The following WNK3 variants were observed in gnomAD, a reference collection of about 807,000 sequenced individuals.
WNK3 encodes serine/threonine-protein kinase WNK3.
WNK3 carries 18 observed loss-of-function variants against 116.7 expected under a neutral mutation model. The ratio of observed to expected loss-of-function variants is 0.15; its 90% CI spans 0.11 to 0.23. The LOEUF (loss-of-function observed/expected upper bound fraction) is 0.23, where lower values mean the gene tolerates loss of function less well. WNK3 is among the 10% of genes least tolerant of loss of function. The pLI is 1.00. For missense variants in WNK3, 993 were observed against 1,323.8 expected (o/e 0.75, Z 3.88); for synonymous variants, 404 against 469.4 (o/e 0.86, Z 1.80).
At chrX:54,233,487 G>GGGAAGGAA (rs781783142) in intron 20 of WNK3, among the ~76,000 whole-genome samples, 3 of 102,607 alleles carry the variant, frequency 2.9e-5, no homozygotes, top group Non-Finnish European at 5.9e-5. Context: ...GAGGGAGGGA[G>GGGAAGGAA]GGAAGGAAGG....
At chrX:54,216,319 C>A (rs1052186086) in intron 22 of WNK3, among the ~76,000 whole-genome samples, 8 of 105,437 alleles carry the variant, frequency 7.6e-5, no homozygotes, top group Middle Eastern at 4.3e-3. Context: ...ATATATTTTG[C>A]AGCACCCTGG....
intron 10 of WNK3, among the ~76,000 whole-genome samples, chrX:54,279,398 T>C (rs1300775462): frequency 9.0e-6 from 1 of 111,382 alleles, no homozygotes; most frequent in Admixed American, 9.6e-5. Context: ...GACCCGTCTC[T>C]ACACAGATTA....
exon 2 of WNK3, chrX:54,333,524 C>G: frequency 8.3e-7 from 1 of 1,211,403 alleles, no homozygotes; most frequent in South Asian, 1.8e-5. Flanking sequence ...CTACAGTTTC[C>G]CCAGAAGCAG....
chrX:54,301,705 G>A (rs974524434), intron 6 of WNK3, 66 bp downstream of exon 6: 4 of 996,428 alleles, frequency 4.0e-6, no homozygotes, highest in South Asian at 2.1e-5. Flanking sequence ...GTCAGAAAAC[G>A]ACCCAATGCA....
chrX:54,198,805 AT>A, intron 23 of WNK3, 152 bp from the exon 24 acceptor site: 1 of 434,281 alleles, frequency 2.3e-6, no homozygotes, highest in Non-Finnish European at 3.6e-6. Flanking sequence ...TATTGTTACT[AT>A]TAGGGACTAC....
chrX:54,352,065 C>A (rs991366022), intron 1 of WNK3, among the ~76,000 whole-genome samples: 7 of 110,919 alleles, frequency 6.3e-5, no homozygotes, highest in Non-Finnish European at 1.3e-4. Flanking sequence ...AGACAAACAA[C>A]CAAATTTTTT....
intron 4 of WNK3, 72 bp from the exon 5 acceptor site, chrX:54,308,151 C>G: frequency 1.1e-6 from 1 of 930,240 alleles, no homozygotes; most frequent in Non-Finnish European, 1.5e-6. Flanking sequence ...ATCCCCTTTC[C>G]TATAAGGATT....
chrX:54,268,628 A>G (rs1231022562), intron 10 of WNK3, among the ~76,000 whole-genome samples: 1 of 111,911 alleles, frequency 8.9e-6, no homozygotes, highest in Non-Finnish European at 1.9e-5. Flanking sequence ...TGTGGCCAGA[A>G]AATAAGGAAG....
chrX:54,315,024 GATGGCTC>G (rs1208982268), intron 2 of WNK3, among the ~76,000 whole-genome samples: 4 of 110,404 alleles, frequency 3.6e-5, no homozygotes, highest in Non-Finnish European at 5.7e-5. Flanking sequence ...GGTCAGGCAC[GATGGCTC>G]ATGCCTGTAA....
At chrX:54,330,240 G>A (rs1440961496) in intron 2 of WNK3, among the ~76,000 whole-genome samples, 4 of 111,418 alleles carry the variant, frequency 3.6e-5, no homozygotes, top group Non-Finnish European at 7.5e-5. Flanking sequence ...AGGCGTGGTG[G>A]CACACACCTG....
chrX:54,292,786 T>C, intron 10 of WNK3, 102 bp downstream of exon 10: 2 of 836,230 alleles, frequency 2.4e-6, no homozygotes, highest in South Asian at 2.6e-5. Context: ...GACCTTTCTC[T>C]AAACTATAAT....
chrX:54,254,127 C>T (rs1557154995), intron 12 of WNK3, 52 bp from the exon 13 acceptor site: 3 of 815,960 alleles, frequency 3.7e-6, no homozygotes, highest in Non-Finnish European at 5.4e-6. Flanking sequence ...CTTCTTTTTG[C>T]AAATTGTGCA....
chrX:54,222,431 C>T (rs1273413797), intron 22 of WNK3, among the ~76,000 whole-genome samples: 1 of 105,799 alleles, frequency 9.5e-6, no homozygotes, highest in East Asian at 3.0e-4. Flanking sequence ...TGGTAGCATG[C>T]GCCTATGGTC....
exon 17 of WNK3, chrX:54,249,127 A>C: frequency 8.3e-7 from 1 of 1,211,713 alleles, no homozygotes; most frequent in Non-Finnish European, 1.1e-6. Flanking sequence ...AGTGGGAATG[A>C]CTGTCTTAGG....
At chrX:54,311,081 C>T in intron 3 of WNK3, 38 bp downstream of exon 3, 1 of 1,006,232 alleles carries the variant, frequency 9.9e-7, no homozygotes. Context: ...AAATTATTTC[C>T]AAATAAAACT....
At chrX:54,216,400 G>A (rs2067696264) in intron 22 of WNK3, among the ~76,000 whole-genome samples, 1 of 109,286 alleles carries the variant, frequency 9.2e-6, no homozygotes, top group African/African-American at 3.3e-5. Context: ...GGCAGTGGAA[G>A]AGCATAGTGG....
chrX:54,303,320 T>C (rs782488412), intron 5 of WNK3, among the ~76,000 whole-genome samples: 1 of 111,363 alleles, frequency 9.0e-6, no homozygotes, highest in Non-Finnish European at 1.9e-5. Context: ...AAAATGTTTC[T>C]ATAATAACTG....
chrX:54,238,511 T>C, intron 18 of WNK3, 39 bp from the exon 19 acceptor site: 1 of 1,179,037 alleles, frequency 8.5e-7, no homozygotes, highest in Non-Finnish European at 1.1e-6. Context: ...AAAGAGAAAA[T>C]TGTTTGTTAA....
chrX:54,346,385 G>C (rs1162419449), intron 1 of WNK3, among the ~76,000 whole-genome samples: 5 of 106,094 alleles, frequency 4.7e-5, no homozygotes, highest in African/African-American at 1.7e-4. Flanking sequence ...CTGGCAGATT[G>C]CTTGAGCTCA....
Sources: allele counts gnomAD v4.1 joint callset (sites outside exome capture counted in the v4.1 genomes callset), GRCh38; gene constraint gnomAD v4.1.1; transcripts MANE v1.5; gene names NCBI Gene and HGNC (gene_info 2026-07-23, HGNC 2026-07-21).